The following RSF1 variants were observed in gnomAD, a reference collection of about 807,000 sequenced individuals.
RSF1 encodes HBV pX-associated protein 8.
A neutral mutation model predicts 145.2 loss-of-function variants in RSF1; 13 were observed. That is an observed-to-expected ratio of 0.09 (90% CI 0.06 to 0.14). RSF1 has a LOEUF of 0.14. Among genes scored for constraint, RSF1 ranks in the 10% least tolerant of loss-of-function variants. RSF1 has a pLI of 1.00. For synonymous variants in RSF1, 577 were observed against 592.6 expected (o/e 0.97, Z 0.38); for missense variants, 1,517 against 1,718.2 (o/e 0.88, Z 2.07).
chr11:77,815,713 A>G (rs1948775050), intron 1 of RSF1, among the ~76,000 whole-genome samples: 1 of 152,106 alleles, frequency 6.6e-6, no homozygotes, highest in Non-Finnish European at 1.5e-5. Context: ...TAGATTAGAA[A>G]TTTCTTTTAA....
chr11:77,692,126 A>C (rs1960163819), intron 8 of RSF1, among the ~76,000 whole-genome samples: 1 of 151,906 alleles, frequency 6.6e-6, no homozygotes, highest in Admixed American at 6.6e-5. Flanking sequence ...CCTGGCCTCA[A>C]GTGATCTGCC....
intron 1 of RSF1, among the ~76,000 whole-genome samples, chr11:77,776,466 G>A (rs1320879690): frequency 1.3e-5 from 2 of 152,078 alleles, no homozygotes; most frequent in Non-Finnish European, 2.9e-5. Context: ...ACAAGCAGAG[G>A]TACCTAGATG....
chr11:77,816,644 G>T (rs1948784711), intron 1 of RSF1, among the ~76,000 whole-genome samples: 1 of 152,158 alleles, frequency 6.6e-6, no homozygotes. Flanking sequence ...TGTTTTTAAA[G>T]AATACAGTAG....
intron 4 of RSF1, among the ~76,000 whole-genome samples, chr11:77,730,074 T>C (rs898340406): frequency 2.0e-5 from 3 of 152,094 alleles, no homozygotes; most frequent in African/African-American, 7.2e-5. Flanking sequence ...ATAATTCCAA[T>C]ATAACCCAAT....
upstream of RSF1, among the ~76,000 whole-genome samples, chr11:77,821,682 G>A (rs1343577353): frequency 1.3e-5 from 2 of 152,000 alleles, no homozygotes; most frequent in Non-Finnish European, 1.5e-5. Context: ...AGGAGACGGT[G>A]GAGCAGCGAA....
chr11:77,818,458 G>A (rs1948802855), intron 1 of RSF1, among the ~76,000 whole-genome samples: 1 of 152,106 alleles, frequency 6.6e-6, no homozygotes, highest in African/African-American at 2.4e-5. Context: ...AACTTACTAA[G>A]GCATCCTACT....
Sources: gnomAD v4.1 joint callset for allele counts (sites outside exome capture counted in the v4.1 genomes callset) on GRCh38, gnomAD v4.1.1 for gene constraint, MANE v1.5 for transcripts, NCBI Gene and HGNC (gene_info 2026-07-23, HGNC 2026-07-21) for gene names.